CUX1: variants seen among roughly 807,000 people sequenced by gnomAD.
CUX1 encodes cut like homeobox 1.
Under a neutral mutation model 158.8 loss-of-function variants are expected in CUX1, and 31 were observed. The observed-to-expected ratio is 0.20, with a 90% confidence interval of 0.15 to 0.26. The LOEUF is 0.26. CUX1 is among the 10% of genes least tolerant of loss of function. The pLI is 1.00. For missense variants in CUX1, 1,589 were observed against 2,014.6 expected (o/e 0.79, Z 4.04); for synonymous variants, 879 against 862.1 (o/e 1.02, Z -0.34).
In CUX1 at chr7:102,152,963, G is replaced by A. The variant is rs148831804; in HGVS notation, c.675-5597G>A. 8.5e-5 allele frequency among the ~76,000 whole-genome samples: 13 copies of A among 152,304 alleles called. No individual in the cohort carries two copies. In the East Asian group the frequency reaches 1.2e-3, roughly 14 times the overall value. ...GTTATCACATTCAGTATTTTGGTCC[G>A]TTTAGCAGTTGCTTAGTAACCAAAG... is the stretch of plus-strand genomic sequence containing the variant. On this transcript the variant is annotated intron_variant, in intron 8 of 23. Transcript: ENST00000292535.
At chr7:102,121,502 C>T (rs1400779788) in intron 8 of CUX1, among the ~76,000 whole-genome samples, 2 of 152,198 alleles carry the variant, frequency 1.3e-5, no homozygotes, top group Non-Finnish European at 2.9e-5. Flanking sequence ...TCTGCCACCA[C>T]ACCCAGCTAA....
At chr7:102,237,829 A>G (rs1799739418) in intron 22 of CUX1, among the ~76,000 whole-genome samples, 1 of 152,230 alleles carries the variant, frequency 6.6e-6, no homozygotes, top group Non-Finnish European at 1.5e-5. Flanking sequence ...ATTGGATACA[A>G]GACAAAGGGG....
At chr7:101,871,900 C>T (rs1465055266) in intron 1 of CUX1, among the ~76,000 whole-genome samples, 1 of 151,860 alleles carries the variant, frequency 6.6e-6, no homozygotes, top group East Asian at 2.0e-4. Context: ...TGCCTGTAAT[C>T]CCAGCTACTT....
chr7:102,027,890 C>T (rs1720928088), intron 2 of CUX1, among the ~76,000 whole-genome samples: 2 of 152,140 alleles, frequency 1.3e-5, no homozygotes, highest in South Asian at 2.1e-4. Flanking sequence ...AGAACCACCT[C>T]GTTGTATTCT....
chr7:102,104,368 C>T lies in CUX1; in HGVS notation c.439C>T (p.Arg147Ter), dbSNP rs782297523. The change falls in exon 6 of 24, where the codon CGA becomes TGA. Residue 147 changes from arginine to a stop codon, truncating the protein, a stop_gained. Coordinates refer to ENST00000292535, the MANE Select transcript of CUX1 (RefSeq NM_181552.4). LOFTEE classifies it high-confidence loss of function. ...GATAAAAGCACTTAAAGAGAAAATC[C>T]GAGAATATGAACAGACACTGAAGAA... ...VTIKALKEKIREYEQTLKNQA... is the reference protein window; with the variant it reads ...VTIKALKEKI 6.2e-7 allele frequency: 1 copy of T among 1,609,988 alleles called. No homozygotes were observed. Among genetic ancestry groups the T allele is most frequent in the Non-Finnish European group, 8.5e-7 (1 of 1,179,342 alleles).
intron 1 of CUX1, among the ~76,000 whole-genome samples, chr7:101,848,354 C>T (rs537480257): frequency 2.0e-5 from 3 of 152,224 alleles, no homozygotes; most frequent in East Asian, 3.9e-4. Context: ...GCAGCTTCCA[C>T]ATCAAATGTT....
Position 102,255,029 on chromosome 7 carries a change from G to A in CUX1, c.*5987G>A. On this transcript the variant is annotated 3_prime_UTR_variant, in exon 24 of 24. Coordinates refer to ENST00000292535, the MANE Select transcript of CUX1 (RefSeq NM_181552.4). ...GGGCTTAATCAGGACGGAAGAGGAG[G>A]GGGTGTGGGGGGCAGAGCGTAAAAC... is the stretch of plus-strand genomic sequence containing the variant. 5 of 985,456 alleles carry A rather than the reference G, an allele frequency of 5.1e-6. No homozygotes were observed. The highest frequency in any genetic ancestry group is 6.0e-6 in the Non-Finnish European group (5 of 829,978). 61.0% of individuals were successfully genotyped at this position (985,456 alleles called of 1,614,324 possible). A position where few individuals can be genotyped will look rare whatever the true frequency, so the allele number is the denominator to read the frequency against.
intron 16 of CUX1, chr7:102,274,316 G>A (rs782394214): frequency 9.3e-6 from 15 of 1,612,558 alleles, no homozygotes; most frequent in East Asian, 4.5e-5. Context: ...CTACGGTAAG[G>A]AGAGGCCTGA....
rs1032645101 is a variant in CUX1, at chr7:101,980,134, C to G, written c.142-47964C>G. On this transcript the variant is annotated intron_variant, in intron 2 of 23. Transcript: ENST00000292535. ...CAGTGCCCTGCAGTGTCATTCTGGG[C>G]CAGGGAGGTTGTGATGAATATTATT... 2.5e-4 allele frequency among the ~76,000 whole-genome samples: 38 copies of G among 152,286 alleles called. 1 individual carries two copies. Among genetic ancestry groups the G allele is most frequent in the Admixed American group, 2.2e-3 (34 of 15,290 alleles).
rs60973137 is a variant in CUX1, at chr7:102,176,558, CTTTTTTTTTTT to C, written c.829-1894_829-1884del. On this transcript the variant is annotated intron_variant, in intron 10 of 23. Coordinates refer to ENST00000292535, the MANE Select transcript of CUX1 (RefSeq NM_181552.4). The stretch of plus-strand genomic sequence containing the variant: ...CAGAATCTTTCAGGAGCCAGGATTC[CTTTTTTTTTTT>C]TTTTTTTTTTTTTTTTGCTTTGACA... 8.1e-5 allele frequency among the ~76,000 whole-genome samples: 7 copies of C among 86,728 alleles called. 1 individual carries two copies. The highest frequency in any genetic ancestry group is 8.4e-5 in the Non-Finnish European group (4 of 47,384). 56.9% of individuals were successfully genotyped at this position (86,728 alleles called of 152,430 possible).
chr7:102,280,999 C>T, intron 20 of CUX1: 2 of 727,012 alleles, frequency 2.8e-6, no homozygotes, highest in Non-Finnish European at 4.7e-6. Context: ...GGGACAGGGT[C>T]TCTCCCCTTC....
At chr7:101,966,138 C>T (rs1811174898) in intron 2 of CUX1, among the ~76,000 whole-genome samples, 1 of 151,844 alleles carries the variant, frequency 6.6e-6, no homozygotes, top group Non-Finnish European at 1.5e-5. Flanking sequence ...CATCAGGGCT[C>T]ACTGCAGCCT....
At chr7:101,913,839 CTCTTTTTTTT>C (rs1461766651) in intron 1 of CUX1, among the ~76,000 whole-genome samples, 1 of 152,196 alleles carries the variant, frequency 6.6e-6, no homozygotes, top group African/African-American at 2.4e-5. Flanking sequence ...GAAACATCAA[CTCTTTTTTTT>C]TCTTTTTTGT....
chr7:102,133,060 C>T (rs573617768), intron 8 of CUX1, among the ~76,000 whole-genome samples: 2 of 152,310 alleles, frequency 1.3e-5, no homozygotes, highest in South Asian at 2.1e-4. Context: ...AACCACCCTC[C>T]AAGCATCTGC....
intron 1 of CUX1, among the ~76,000 whole-genome samples, chr7:101,898,735 C>T (rs893853797): frequency 6.6e-6 from 1 of 152,140 alleles, no homozygotes; most frequent in East Asian, 1.9e-4. Flanking sequence ...GGATTACAGG[C>T]ACGCACCACC....
chr7:102,221,849 A>C (rs1554527052), intron 20 of CUX1, among the ~76,000 whole-genome samples: 2 of 152,118 alleles, frequency 1.3e-5, no homozygotes. Flanking sequence ...GGGCTTTTAA[A>C]ATATGCAAAT....
chr7:102,167,871 AG>A (rs113179746), intron 9 of CUX1, among the ~76,000 whole-genome samples: 9,896 of 152,120 alleles, frequency 0.065, 440 homozygotes, highest in African/African-American at 0.12. Context: ...TGAGGTCAGG[AG>A]TTCAAGACCA....
chr7:102,112,076 A>T, intron 7 of CUX1: 1 of 237,180 alleles, frequency 4.2e-6, no homozygotes, highest in Non-Finnish European at 8.1e-6. Context: ...CAAACTGTCA[A>T]GGACTGACAT....
chr7:101,926,347 G>A (rs1805589682), intron 2 of CUX1, among the ~76,000 whole-genome samples: 1 of 152,172 alleles, frequency 6.6e-6, no homozygotes, highest in Admixed American at 6.5e-5. Flanking sequence ...GAGAAGAGGT[G>A]CCTTGAGTGG....
Sources: gnomAD v4.1 joint callset for allele counts (sites outside exome capture counted in the v4.1 genomes callset) on GRCh38, gnomAD v4.1.1 for gene constraint, MANE v1.5 for transcripts, NCBI Gene and HGNC (gene_info 2026-07-23, HGNC 2026-07-21) for gene names.